Variants in LOXHD1 observed in about 807,000 individuals in gnomAD.
LOXHD1 encodes lipoxygenase homology domain-containing protein 1.
LOXHD1 carries 205 observed loss-of-function variants against 248.2 expected under a neutral mutation model. The observed-to-expected ratio is 0.83, with a 90% CI of 0.74 to 0.93. The LOEUF is 0.93. Ranked by LOEUF, LOXHD1 falls within the 40% of genes least tolerant of loss-of-function variation. The pLI is 0.00. For missense variants in LOXHD1, 2,930 were observed against 2,971.6 expected, an observed-to-expected ratio of 0.99 and a Z score of 0.33; for synonymous variants, 1,113 against 1,162.8, an observed-to-expected ratio of 0.96 and a Z score of 0.87.
chr18:46,538,315 G>A lies in LOXHD1; in HGVS notation c.3936C>T (p.Leu1312=), dbSNP rs533251927. 2 of 1,550,628 alleles carry A rather than the reference G, an allele frequency of 1.3e-6. No individual in the cohort carries two copies. Among genetic ancestry groups the A allele is most frequent in the Admixed American group, 2.0e-5 (1 of 50,978 alleles). ...YTPFVPYEIT[L]YTSDVFAAGT... ...CAGCAGCAAAGACATCACTGGTGTA[G>A]AGGGTGATCTCGTAAGGAACAACTG... Residue 1312 remains leucine, a synonymous_variant, in exon 26 of 41, where the codon CTC becomes CTT. Coordinates refer to ENST00000642948, the MANE Select transcript of LOXHD1 (RefSeq NM_001384474.1).
chr18:46,522,721 AGAAG>A (rs759760960), intron 31 of LOXHD1, among the ~76,000 whole-genome samples: 1 of 152,246 alleles, frequency 6.6e-6, no homozygotes, highest in Non-Finnish European at 1.5e-5. Flanking sequence ...TCTCATAGAA[AGAAG>A]GAATTTGAAG....
chr18:46,531,541 C>T (rs1358825097), intron 28 of LOXHD1, among the ~76,000 whole-genome samples: 3 of 151,908 alleles, frequency 2.0e-5, no homozygotes, highest in African/African-American at 7.3e-5. Flanking sequence ...GATGCTGTGT[C>T]CCCAGGGGCT....
intron 4 of LOXHD1, 39 bp downstream of exon 4, chr18:46,639,577 C>G: frequency 6.5e-7 from 1 of 1,531,942 alleles, no homozygotes; most frequent in Non-Finnish European, 8.8e-7. Flanking sequence ...CCCAGCCCAG[C>G]TAGGGAGGGA....
intron 4 of LOXHD1, among the ~76,000 whole-genome samples, chr18:46,618,500 G>A (rs2144328965): frequency 6.6e-6 from 1 of 152,284 alleles, no homozygotes; most frequent in South Asian, 2.1e-4. Flanking sequence ...CAACAACAGA[G>A]CAAAAAACAA....
In LOXHD1 at chr18:46,509,818, G is replaced by A. The variant is rs528236655; in HGVS notation, c.5400-3C>T. 644 of 1,541,086 alleles carry A rather than the reference G, an allele frequency of 4.2e-4. 10 individuals carry two copies. In the Admixed American group the frequency reaches 9.4e-3, roughly 23 times the overall value. ...TGTCGTTCTGCTCCCGCTCAAACCT[G>A]GGGGTGGAGAGGAGGGGCATGAAGA... On this transcript the variant is annotated splice_polypyrimidine_tract_variant and splice_region_variant and intron_variant, in intron 34 of 40. Coordinates refer to ENST00000642948, the MANE Select transcript of LOXHD1 (RefSeq NM_001384474.1).
intron 8 of LOXHD1, 24 bp from the exon 9 acceptor site, chr18:46,594,490 C>T (rs1480394942): frequency 1.9e-6 from 3 of 1,550,742 alleles, no homozygotes; most frequent in South Asian, 1.2e-5. Context: ...AGCACAGTGT[C>T]TCCGGCATTG....
At chr18:46,575,507 C>T (rs1219370874) in intron 14 of LOXHD1, among the ~76,000 whole-genome samples, 3 of 152,198 alleles carry the variant, frequency 2.0e-5, no homozygotes, top group Admixed American at 2.0e-4. Flanking sequence ...CTCATCTAAT[C>T]TGACTGGTAT....
intron 12 of LOXHD1, among the ~76,000 whole-genome samples, chr18:46,585,623 G>A (rs1000136748): frequency 6.6e-6 from 1 of 152,064 alleles, no homozygotes; most frequent in Non-Finnish European, 1.5e-5. Context: ...CCCCAAACTG[G>A]TCTATAGATT....
At chr18:46,512,060 T>G (rs10468983) in intron 34 of LOXHD1, among the ~76,000 whole-genome samples, 62,129 of 151,970 alleles carry the variant, frequency 0.41, 14,512 homozygotes, top group East Asian at 0.58. Context: ...GTGTATAGTT[T>G]AAACGATAAT....
At chr18:46,589,466 G>A (rs1426299675) in intron 12 of LOXHD1, among the ~76,000 whole-genome samples, 1 of 152,112 alleles carries the variant, frequency 6.6e-6, no homozygotes, top group Non-Finnish European at 1.5e-5. Flanking sequence ...CCCATCACAG[G>A]TGAGCACCAG....
chr18:46,646,494 C>T (rs541793792), intron 2 of LOXHD1, among the ~76,000 whole-genome samples: 2 of 152,314 alleles, frequency 1.3e-5, no homozygotes, highest in South Asian at 2.1e-4. Flanking sequence ...TCCTTCCCCA[C>T]TCGTCCTGCT....
chr18:46,500,446 C>T (rs1005590271), intron 37 of LOXHD1, among the ~76,000 whole-genome samples: 1 of 152,184 alleles, frequency 6.6e-6, no homozygotes, highest in Non-Finnish European at 1.5e-5. Context: ...AGTCCTTTGC[C>T]TTAAATATTT....
rs571939177 is a variant in LOXHD1 at position 46,645,146 on chromosome 18, T to C, written c.246-3110A>G. ...AAGCCCCCAACTCAGGATTAGCTTC[T>C]GAAATCCTCACATCTGGATTGCAAA... On this transcript the variant is annotated intron_variant, in intron 2 of 40. Coordinates refer to ENST00000642948, the MANE Select transcript of LOXHD1 (RefSeq NM_001384474.1). 2.6e-3 allele frequency among the ~76,000 whole-genome samples: 394 copies of C among 152,362 alleles called. 2 individuals are homozygous for C. Among genetic ancestry groups the C allele is most frequent in the Non-Finnish European group, 3.8e-3 (259 of 68,032 alleles).
chr18:46,652,617 G>A (rs555150718), intron 1 of LOXHD1, among the ~76,000 whole-genome samples: 1 of 152,322 alleles, frequency 6.6e-6, no homozygotes, highest in Admixed American at 6.5e-5. Context: ...ATTGATCCAA[G>A]CACTGGTAAC....
intron 23 of LOXHD1, chr18:46,544,978 G>A (rs2036734395): frequency 4.1e-6 from 2 of 486,984 alleles, no homozygotes. Context: ...CTGAGTACCT[G>A]AGCAAAGGCT....
chr18:46,489,186 C>T, intron 37 of LOXHD1, 44 bp from the exon 38 acceptor site: 2 of 1,546,076 alleles, frequency 1.3e-6, no homozygotes, highest in Non-Finnish European at 1.8e-6. Context: ...GATGTGCCTT[C>T]CCTCCCCTTT....
intron 21 of LOXHD1, chr18:46,555,123 AC>A (rs1193309090): frequency 2.1e-6 from 1 of 471,096 alleles, no homozygotes; most frequent in East Asian, 6.9e-5. Flanking sequence ...AGAATTACTA[AC>A]CCTGATGGAG....
At chr18:46,499,237 T>A (rs373515103) in intron 37 of LOXHD1, among the ~76,000 whole-genome samples, 12 of 152,294 alleles carry the variant, frequency 7.9e-5, no homozygotes, top group African/African-American at 1.9e-4. Context: ...GTAGGGAGCA[T>A]CTAACTTCAT....
At chr18:46,551,741 CT>C (rs1183399288) in intron 21 of LOXHD1, among the ~76,000 whole-genome samples, 1 of 152,066 alleles carries the variant, frequency 6.6e-6, no homozygotes, top group African/African-American at 2.4e-5. Flanking sequence ...AAGAGTAGTC[CT>C]TTACCAAAGG....
Sources: allele counts gnomAD v4.1 joint callset (sites outside exome capture counted in the v4.1 genomes callset), GRCh38; gene constraint gnomAD v4.1.1; transcripts MANE v1.5; gene names NCBI Gene and HGNC (gene_info 2026-07-23, HGNC 2026-07-21).